The following NOCT variants were observed in gnomAD, a reference collection of about 807,000 sequenced individuals.
The protein encoded by NOCT is CCR4 carbon catabolite repression 4-like.
Under a neutral mutation model 35.0 loss-of-function variants are expected in NOCT, and 18 were observed. The observed-to-expected ratio is 0.51, with a 90% CI of 0.36 to 0.76. The LOEUF (loss-of-function observed/expected upper bound fraction) is 0.76. Ranked by LOEUF, NOCT falls within the 30% of genes least tolerant of loss-of-function variation. NOCT has a pLI of 0.01. For synonymous variants in NOCT, 235 were observed against 226.3 expected (o/e 1.04, Z -0.34); for missense variants, 479 against 541.0 (o/e 0.89, Z 1.14).
In NOCT at chr4:139,043,161, A is replaced by G. The variant is rs368184844; in HGVS notation, c.278A>G (p.Tyr93Cys). 3.1e-6 allele frequency: 5 copies of G among 1,613,952 alleles called. No homozygotes were observed. The highest frequency in any genetic ancestry group is 2.7e-5 in the African/African-American group (2 of 74,890). ...AGCGCTGCCTCCCAGCACCCAGAGTATTTGGTGTCACCTGACCCAGAGCAT... is the reference window on the plus strand; with the variant it reads ...AGCGCTGCCTCCCAGCACCCAGAGTGTTTGGTGTCACCTGACCCAGAGCAT... The part of the protein sequence containing the change: ...NSSAASQHPE[Y>C]LVSPDPEHLE... The change falls in exon 2 of 3, where the codon TAT (tyrosine) becomes TGT (cysteine). Residue 93 changes from tyrosine to cysteine, a missense_variant. By Grantham distance (194) the Tyr-to-Cys change is radical (BLOSUM62 -2). Coordinates refer to ENST00000280614, the MANE Select transcript of NOCT (RefSeq NM_012118.4).
intron 1 of NOCT, among the ~76,000 whole-genome samples, chr4:139,034,569 GTGT>G (rs1362334789): frequency 6.6e-6 from 1 of 151,952 alleles, no homozygotes. Flanking sequence ...GTTTGCTGTG[GTGT>G]TGTTGTGGTG....
intron 1 of NOCT, among the ~76,000 whole-genome samples, chr4:139,040,887 C>G (rs1158371212): frequency 1.3e-5 from 2 of 151,572 alleles, no homozygotes; most frequent in Admixed American, 1.3e-4. Flanking sequence ...TTTGTTTTCC[C>G]CAAAAAACCT....
intron 1 of NOCT, among the ~76,000 whole-genome samples, chr4:139,021,187 G>A (rs1457709272): frequency 2.6e-5 from 4 of 151,806 alleles, no homozygotes; most frequent in East Asian, 3.9e-4. Flanking sequence ...ATATTTTGTC[G>A]AGACGGGTTT....
At chr4:139,042,233 A>T (rs936662608) in intron 1 of NOCT, among the ~76,000 whole-genome samples, 1 of 151,736 alleles carries the variant, frequency 6.6e-6, no homozygotes, top group South Asian at 2.1e-4. Flanking sequence ...ACACCCGGCT[A>T]ATTTTTTATG....
At chr4:139,028,552 G>A (rs1726565581) in intron 1 of NOCT, among the ~76,000 whole-genome samples, 1 of 152,234 alleles carries the variant, frequency 6.6e-6, no homozygotes, top group African/African-American at 2.4e-5. Flanking sequence ...GGTGCAACTC[G>A]ACCTCTGTTT....
chr4:139,034,565 T>TGTG (rs1455649542), intron 1 of NOCT, among the ~76,000 whole-genome samples: 1 of 152,214 alleles, frequency 6.6e-6, no homozygotes, highest in Middle Eastern at 3.4e-3. Flanking sequence ...GTTTGTTTGC[T>TGTG]GTGGTGTTGT....
chr4:139,018,347 G>GTT (rs1290962362), intron 1 of NOCT, among the ~76,000 whole-genome samples: 2 of 152,190 alleles, frequency 1.3e-5, no homozygotes, highest in African/African-American at 4.8e-5. Flanking sequence ...ATAGATGGCT[G>GTT]TGTTATCTGA....
chr4:139,040,506 A>AT (rs1726817577), intron 1 of NOCT, among the ~76,000 whole-genome samples: 1 of 152,088 alleles, frequency 6.6e-6, no homozygotes, highest in African/African-American at 2.4e-5. Context: ...GTGGTTCAGG[A>AT]TTGCTTTTCT....
chr4:139,044,730 G>A lies in NOCT; in HGVS notation c.552G>A (p.Leu184=), dbSNP rs1407394418. The part of the protein sequence containing the change: ...ERKCLILEEI[L]AYQPDILCLQ... ...AATGTCTCATCCTGGAAGAAATCCTGGCCTACCAGCCTGATATATTGTGCC... is the reference window on the plus strand; with the variant it reads ...AATGTCTCATCCTGGAAGAAATCCTAGCCTACCAGCCTGATATATTGTGCC... The change falls in exon 3 of 3, where the codon CTG becomes CTA. Residue 184 remains leucine, a synonymous_variant. Coordinates refer to ENST00000280614, the MANE Select transcript of NOCT (RefSeq NM_012118.4). 1 of 1,613,994 alleles carries A rather than the reference G, an allele frequency of 6.2e-7. No individual in the cohort carries two copies. Among genetic ancestry groups the A allele is most frequent in the Non-Finnish European group, 8.5e-7 (1 of 1,179,976 alleles).
At chr4:139,017,682 C>T (rs1726339562) in intron 1 of NOCT, among the ~76,000 whole-genome samples, 1 of 151,746 alleles carries the variant, frequency 6.6e-6, no homozygotes, top group Non-Finnish European at 1.5e-5. Flanking sequence ...GTAATCCCAG[C>T]TACTCTGGAG....
chr4:139,026,025 C>T (rs1352561953), intron 1 of NOCT, among the ~76,000 whole-genome samples: 1 of 152,098 alleles, frequency 6.6e-6, no homozygotes, highest in South Asian at 2.1e-4. Context: ...GACTAAACAT[C>T]TTTTATTGGT....
chr4:139,027,275 C>T (rs1181003660), intron 1 of NOCT, among the ~76,000 whole-genome samples: 1 of 149,840 alleles, frequency 6.7e-6, no homozygotes, highest in East Asian at 2.0e-4. Flanking sequence ...CCTGGGCTCA[C>T]GCAATCCTCC....
intron 1 of NOCT, among the ~76,000 whole-genome samples, chr4:139,038,090 C>G (rs1403722624): frequency 6.6e-6 from 1 of 151,960 alleles, no homozygotes; most frequent in Non-Finnish European, 1.5e-5. Context: ...GTCCCAACTC[C>G]TCGGGAGGCT....
chr4:139,041,787 GCCCCTTTT>G (rs1726835909), intron 1 of NOCT, among the ~76,000 whole-genome samples: 1 of 152,122 alleles, frequency 6.6e-6, no homozygotes, highest in Admixed American at 6.6e-5. Context: ...TCTGGCCTCA[GCCCCTTTT>G]CTGGATTTTA....
Position 139,043,281 on chromosome 4 carries a change from G to A in NOCT, c.398G>A (p.Arg133Lys). Residue 133 changes from arginine to lysine, a missense_variant, in exon 2 of 3, where the codon AGG (arginine) becomes AAG (lysine). Coordinates refer to ENST00000280614, the MANE Select transcript of NOCT (RefSeq NM_012118.4). Reference protein sequence around the residue: ...PRFQRDFVDLRTDCPSTHPPI... With the variant: ...PRFQRDFVDLKTDCPSTHPPI... ...TTCCAGAGGGATTTTGTGGATCTGA[G>A]GACAGATTGCCCTAGTACCCACCCA... 1 of 1,614,148 alleles carries A rather than the reference G, an allele frequency of 6.2e-7. No individual in the cohort carries two copies. Among genetic ancestry groups the A allele is most frequent in the Non-Finnish European group, 8.5e-7 (1 of 1,180,020 alleles).
At chr4:139,026,653 T>C (rs942803924) in intron 1 of NOCT, among the ~76,000 whole-genome samples, 4 of 151,254 alleles carry the variant, frequency 2.6e-5, no homozygotes, top group Non-Finnish European at 5.9e-5. Flanking sequence ...TGGGTTCAAG[T>C]TATTCTCCTG....
At position 139,015,985 on chromosome 4, in the gene NOCT, T is replaced by C; in HGVS notation, c.4T>C (p.Phe2Leu). 1 of 1,368,630 alleles carries C rather than the reference T, an allele frequency of 7.3e-7. No individual in the cohort carries two copies. The highest frequency in any genetic ancestry group is 9.4e-7 in the Non-Finnish European group (1 of 1,064,094). The allele number at this position is 1,368,630 out of a possible 1,614,324, so 84.8% of individuals were successfully genotyped here. A position where few individuals can be genotyped will look rare whatever the true frequency, so the allele number is the denominator to read the frequency against. Residue 2 changes from phenylalanine (F) to leucine (L), a missense_variant, in exon 1 of 3, where the codon TTT becomes CTT. Physicochemically the swap from Phe to Leu is conservative, Grantham distance 22 (BLOSUM62 0). Transcript: ENST00000280614. M[F>L]HSPRRLCSAL... ...CGTGGTGGCGGCGGCGCCCGGCATG[T>C]TTCATAGTCCGCGGCGGCTCTGCTC...
In NOCT at chr4:139,045,320, A is replaced by G; in HGVS notation, c.1142A>G (p.Tyr381Cys). ...ECRHTLDYIW[Y>C]SKHALNVRSA... ...AGGCACACCCTGGATTACATCTGGT[A>G]TTCTAAACATGCTCTAAATGTAAGG... is the stretch of plus-strand genomic sequence containing the variant. Residue 381 changes from tyrosine to cysteine, a missense_variant, in exon 3 of 3, where the codon TAT (tyrosine) becomes TGT (cysteine). By Grantham distance (194) the Tyr-to-Cys change is radical (BLOSUM62 -2). Coordinates refer to ENST00000280614, the MANE Select transcript of NOCT (RefSeq NM_012118.4). 6.2e-7 allele frequency: 1 copy of G among 1,614,050 alleles called. No homozygotes were observed. The highest frequency in any genetic ancestry group is 8.5e-7 in the Non-Finnish European group (1 of 1,179,992).
intron 1 of NOCT, among the ~76,000 whole-genome samples, chr4:139,040,797 C>T (rs780876055): frequency 6.6e-6 from 1 of 151,992 alleles, no homozygotes; most frequent in Non-Finnish European, 1.5e-5. Context: ...CACGTTAGCT[C>T]ACAATTTGGG....
Sources: gnomAD v4.1 joint callset for allele counts (sites outside exome capture counted in the v4.1 genomes callset) on GRCh38, gnomAD v4.1.1 for gene constraint, MANE v1.5 for transcripts, NCBI Gene and HGNC (gene_info 2026-07-23, HGNC 2026-07-21) for gene names.